Variants in NEAT1 observed in about 807,000 individuals in gnomAD.
NEAT1 encodes the protein MENepsilon/beta.
At chr11:65,444,433 T>C (rs1343912210) in exon 1 of NEAT1, 2 of 471,974 alleles carry the variant, frequency 4.2e-6, no homozygotes, top group South Asian at 1.5e-5. Flanking sequence ...CCTGAGCAGG[T>C]TACAGTCCTC....
exon 1 of NEAT1, chr11:65,437,252 C>CATATATATATACATATATA (rs1856670418): frequency 7.6e-6 from 1 of 131,286 alleles, no homozygotes; most frequent in Non-Finnish European, 1.6e-5. Flanking sequence ...TATATATATA[C>CATATATATATACATATATA]TAATTTTCTT....
At chr11:65,437,223 A>ATATATG (rs1856668306) in exon 1 of NEAT1, 1 of 142,904 alleles carries the variant, frequency 7.0e-6, no homozygotes, top group Non-Finnish European at 1.5e-5. Flanking sequence ...ATATATATAT[A>ATATATG]TATACATATA....
exon 1 of NEAT1, chr11:65,433,966 T>C (rs1387492679): frequency 6.6e-6 from 1 of 152,166 alleles, no homozygotes; most frequent in East Asian, 1.9e-4. Context: ...TGCAAAAGAA[T>C]CTGATCTAAA....
At chr11:65,425,516 A>G (rs1475401641) in exon 1 of NEAT1, 1 of 152,144 alleles carries the variant, frequency 6.6e-6, no homozygotes, top group Non-Finnish European at 1.5e-5. Context: ...TAGGTGGTTG[A>G]TTTGAAACTG....
chr11:65,423,129 T>G (rs1336764169), exon 1 of NEAT1: 1 of 151,838 alleles, frequency 6.6e-6, no homozygotes, highest in Non-Finnish European at 1.5e-5. Flanking sequence ...CTGGTCTGTG[T>G]GGAAGGAGGA....
chr11:65,423,508 A>G (rs913147566), exon 1 of NEAT1: 8 of 152,032 alleles, frequency 5.3e-5, no homozygotes, highest in South Asian at 2.1e-4. Flanking sequence ...AGTGATGTGG[A>G]GTTAAGGCGC....
exon 1 of NEAT1, chr11:65,442,882 A>G (rs940703214): frequency 8.5e-5 from 13 of 152,358 alleles, no homozygotes; most frequent in Admixed American, 8.5e-4. Flanking sequence ...TCCGTCTCAA[A>G]AAAACCAAAA....
chr11:65,427,523 A>G (rs1175920452), exon 1 of NEAT1: 1 of 152,106 alleles, frequency 6.6e-6, no homozygotes, highest in Non-Finnish European at 1.5e-5. Context: ...CTCCACGTGT[A>G]CACTACTGAC....
exon 1 of NEAT1, chr11:65,431,513 A>G (rs1856613629): frequency 6.6e-6 from 1 of 152,200 alleles, no homozygotes; most frequent in Non-Finnish European, 1.5e-5. Context: ...GCACCATTTT[A>G]CGTTCTCACC....
At chr11:65,444,615 G>A (rs1201509821) in exon 1 of NEAT1, 5 of 440,100 alleles carry the variant, frequency 1.1e-5, no homozygotes, top group Non-Finnish European at 2.4e-5. Flanking sequence ...GCCCAGGGGA[G>A]GCAGAGCCTG....
exon 1 of NEAT1, chr11:65,443,855 G>A (rs1856738301): frequency 6.5e-6 from 1 of 153,020 alleles, no homozygotes. Flanking sequence ...CTGGAAGCCA[G>A]TGGCACGTTT....
chr11:65,433,267 T>A (rs1856628919), exon 1 of NEAT1: 1 of 152,194 alleles, frequency 6.6e-6, no homozygotes, highest in South Asian at 2.1e-4. Context: ...TCTGGAAATT[T>A]TAGGCTCCAG....
exon 1 of NEAT1, chr11:65,430,830 A>G (rs945331558): frequency 6.6e-6 from 1 of 152,190 alleles, no homozygotes; most frequent in Non-Finnish European, 1.5e-5. Flanking sequence ...ATTTCCCTAC[A>G]TAGCCACTAA....
At chr11:65,425,189 T>A (rs890992386) in exon 1 of NEAT1, 1 of 152,124 alleles carries the variant, frequency 6.6e-6, no homozygotes, top group Non-Finnish European at 1.5e-5. Flanking sequence ...GCTTAGAACT[T>A]TAAGTGCAAA....
exon 1 of NEAT1, chr11:65,437,366 A>G (rs1856671411): frequency 6.6e-6 from 1 of 150,906 alleles, no homozygotes; most frequent in African/African-American, 2.4e-5. Flanking sequence ...TTTTATTTTT[A>G]TTTTGGAGGA....
exon 1 of NEAT1, chr11:65,425,148 A>C (rs188365729): frequency 6.6e-6 from 1 of 152,306 alleles, no homozygotes; most frequent in East Asian, 1.9e-4. Context: ...GTTGCTTGGA[A>C]GTGAGAAGTT....
chr11:65,434,481 G>A (rs1174353076), exon 1 of NEAT1: 1 of 152,142 alleles, frequency 6.6e-6, no homozygotes, highest in Non-Finnish European at 1.5e-5. Flanking sequence ...TTTAACAGTA[G>A]GGAGATGCCT....
exon 1 of NEAT1, chr11:65,424,777 T>C (rs1365624564): frequency 6.6e-6 from 1 of 152,208 alleles, no homozygotes; most frequent in African/African-American, 2.4e-5. Context: ...GTAGTGCTCT[T>C]TTGTTCTTGC....
At chr11:65,429,544 T>G (rs555570226) in exon 1 of NEAT1, 2 of 152,182 alleles carry the variant, frequency 1.3e-5, no homozygotes, top group Non-Finnish European at 2.9e-5. Context: ...CCTAGTCATT[T>G]TTCTATTGAT....
Sources: gnomAD v4.1 joint callset for allele counts on GRCh38, gnomAD v4.1.1 for gene constraint, MANE v1.5 for transcripts, NCBI Gene and HGNC (gene_info 2026-07-23, HGNC 2026-07-21) for gene names.